AR: variants seen among roughly 807,000 people sequenced by gnomAD.
AR encodes androgen receptor, also known as dihydrotestosterone receptor.
AR carries 8 observed loss-of-function variants against 53.9 expected under a neutral mutation model. The observed-to-expected ratio is 0.15, with a 90% CI of 0.09 to 0.27. AR has a LOEUF of 0.27. Among genes scored for constraint, AR ranks in the 10% least tolerant of loss-of-function variants. AR has a pLI of 1.00. For synonymous variants in AR, 359 were observed against 316.4 expected (o/e 1.13, Z -1.43); for missense variants, 639 against 742.5 (o/e 0.86, Z 1.62).
chrX:67,546,497 G>T lies in AR; in HGVS notation c.1351G>T (p.Gly451Cys), dbSNP rs1259741496. The T allele has an allele frequency of 1.0e-5, 11 of 1,089,886 alleles. No individual in the cohort carries two copies. Among genetic ancestry groups the T allele is most frequent in the Non-Finnish European group, 1.3e-5 (11 of 835,621 alleles). The allele number at this position is 1,089,886 out of a possible 1,213,427, so 89.8% of individuals were successfully genotyped here. ...AGAAGGCCAGTTGTATGGACCGTGT[G>T]GTGGTGGTGGGGGTGGTGGCGGCGG... is the stretch of plus-strand genomic sequence containing the variant. ...AEEGQLYGPC[G>C]GGGGGGGGGG... Residue 451 changes from glycine to cysteine, a missense_variant, in exon 1 of 8, where the codon GGT becomes TGT. Coordinates refer to ENST00000374690, the MANE Select transcript of AR (RefSeq NM_000044.6).
intron 1 of AR, among the ~76,000 whole-genome samples, chrX:67,628,963 A>G (rs1924881533): frequency 8.9e-6 from 1 of 111,864 alleles, no homozygotes; most frequent in Admixed American, 9.5e-5. Context: ...ATATTGAACC[A>G]GCCTTGCATC....
At chrX:67,674,973 A>T (rs1477373711) in intron 2 of AR, among the ~76,000 whole-genome samples, 1 of 110,854 alleles carries the variant, frequency 9.0e-6, no homozygotes, top group Non-Finnish European at 1.9e-5. Context: ...TATCACACTG[A>T]TTATTCAGGG....
At chrX:67,562,331 G>A (rs1406113677) in intron 1 of AR, among the ~76,000 whole-genome samples, 1 of 106,933 alleles carries the variant, frequency 9.4e-6, no homozygotes, top group Non-Finnish European at 1.9e-5. Flanking sequence ...GACCATATGA[G>A]TTTTGTTTGG....
intron 2 of AR, among the ~76,000 whole-genome samples, chrX:67,662,817 T>G (rs1386863435): frequency 4.5e-5 from 5 of 110,647 alleles, no homozygotes; most frequent in South Asian, 3.9e-4. Context: ...CCTGTATTGG[T>G]TGCATATATA....
rs1239558244 is a variant in AR at position 67,546,494 on chromosome X, T to TGTGGTGGTGGTGGGG, written c.1356_1370dup (p.Gly469_Gly473dup). 4.4e-6 allele frequency: 4 copies of TGTGGTGGTGGTGGGG among 914,836 alleles called. No homozygotes were observed. Among genetic ancestry groups the TGTGGTGGTGGTGGGG allele is most frequent in the African/African-American group, 2.3e-5 (1 of 42,759 alleles). 75.4% of individuals were successfully genotyped at this position (914,836 alleles called of 1,213,427 possible). A position where few individuals can be genotyped will look rare whatever the true frequency, so the allele number is the denominator to read the frequency against. On this transcript the variant is annotated inframe_insertion, in exon 1 of 8. Coordinates refer to ENST00000374690, the MANE Select transcript of AR (RefSeq NM_000044.6). ...CGAAGAAGGCCAGTTGTATGGACCGTGTGGTGGTGGTGGGGGTGGTGGCGG... is the reference window on the plus strand; with the variant it reads ...CGAAGAAGGCCAGTTGTATGGACCGTGTGGTGGTGGTGGGGGTGGTGGTGGTGGGGGTGGTGGCGG...
chrX:67,710,728 G>C (rs1486176688), intron 3 of AR, among the ~76,000 whole-genome samples: 1 of 111,780 alleles, frequency 8.9e-6, no homozygotes, highest in Non-Finnish European at 1.9e-5. Context: ...TGCAACATAT[G>C]TTTCAGCCAT....
chrX:67,703,419 G>T (rs1197998246), intron 3 of AR, among the ~76,000 whole-genome samples: 2 of 111,675 alleles, frequency 1.8e-5, no homozygotes. Context: ...GGGGAAGATG[G>T]TTCTTAAGGT....
chrX:67,626,436 CTTT>C lies in AR; in HGVS notation c.1617-16798_1617-16796del, dbSNP rs1233324601. On this transcript the variant is annotated intron_variant, in intron 1 of 7. Transcript: ENST00000374690. ...TGTTGGTGCAAATGACAGGCTCTCT[CTTT>C]TTTTTTTTTTTTTTTTTTTTTGAGA... 3.8e-3 allele frequency among the ~76,000 whole-genome samples: 179 copies of C among 46,794 alleles called. 1 individual carries two copies. The highest frequency in any genetic ancestry group is 0.012 in the African/African-American group (168 of 13,732). The allele number at this position is 46,794 out of a possible 115,157, so 40.6% of individuals were successfully genotyped here.
intron 3 of AR, among the ~76,000 whole-genome samples, chrX:67,704,994 C>T (rs2076059583): frequency 9.0e-6 from 1 of 111,683 alleles, no homozygotes; most frequent in Admixed American, 9.5e-5. Flanking sequence ...TGTTCTGTTC[C>T]ATTGATCTAT....
rs187415776 is a variant in AR at position 67,718,015 on chromosome X, C to T, written c.2318+393C>T. ...AAAGGCTACTTCTAGTCACCATTTG[C>T]TGAGCAACTAGTTTGTGCCAAGACT... On this transcript the variant is annotated intron_variant, in intron 5 of 7. Transcript: ENST00000374690. Among the ~76,000 whole-genome samples the T allele has an allele frequency of 4.6e-3, 524 of 112,836 alleles. 3 individuals are homozygous for T. The highest frequency in any genetic ancestry group is 0.016 in the African/African-American group (495 of 31,109).
chrX:67,547,351 G>A (rs980001811), intron 1 of AR, among the ~76,000 whole-genome samples: 2 of 111,735 alleles, frequency 1.8e-5, no homozygotes, highest in African/African-American at 6.5e-5. Context: ...GAAGCAACTG[G>A]GGACTTGCTC....
chrX:67,673,472 T>A (rs996430363), intron 2 of AR, among the ~76,000 whole-genome samples: 3 of 57,002 alleles, frequency 5.3e-5, no homozygotes, highest in Admixed American at 1.7e-4. Flanking sequence ...TTGTTTGCTA[T>A]TTTTTTTTTT....
At chrX:67,719,150 C>T (rs2076125632) in intron 5 of AR, among the ~76,000 whole-genome samples, 1 of 111,943 alleles carries the variant, frequency 8.9e-6, no homozygotes, top group East Asian at 2.8e-4. Flanking sequence ...CCTCTCCCAA[C>T]CCTGCCAGCC....
chrX:67,707,936 A>C (rs1034552180), intron 3 of AR, among the ~76,000 whole-genome samples: 18 of 111,989 alleles, frequency 1.6e-4, no homozygotes, highest in African/African-American at 5.5e-4. Flanking sequence ...TTCTGGGTTG[A>C]AAATTCTTTT....
At chrX:67,656,984 TGAGA>T (rs755250370) in intron 2 of AR, among the ~76,000 whole-genome samples, 2 of 109,332 alleles carry the variant, frequency 1.8e-5, no homozygotes, top group African/African-American at 3.3e-5. Flanking sequence ...AAGTGGAAAA[TGAGA>T]GAGAGAGATC....
In AR at chrX:67,562,810, A is replaced by G. The variant is rs780097730; in HGVS notation, c.1616+16048A>G. Among the ~76,000 whole-genome samples the G allele has an allele frequency of 2.7e-5, 3 of 111,643 alleles. No homozygotes were observed. In the South Asian group the frequency reaches 1.2e-3, roughly 43 times the overall value. ...ATAGTTGGATGACCTCAGGACAGTA[A>G]CATAACCCCTCTGAGCCTCTAGATC... On this transcript the variant is annotated intron_variant, in intron 1 of 7. Transcript: ENST00000374690.
chrX:67,714,712 C>T (rs1385025577), intron 4 of AR, among the ~76,000 whole-genome samples: 1 of 112,199 alleles, frequency 8.9e-6, no homozygotes, highest in Non-Finnish European at 1.9e-5. Flanking sequence ...TCTGTTTCTC[C>T]AGAACAGCCT....
chrX:67,679,805 AC>A (rs2075922403), intron 2 of AR, among the ~76,000 whole-genome samples: 2 of 111,662 alleles, frequency 1.8e-5, no homozygotes, highest in Non-Finnish European at 3.8e-5. Flanking sequence ...GAATATATTG[AC>A]CATTGGTTTT....
chrX:67,546,365 C>G lies in AR; in HGVS notation c.1219C>G (p.Arg407Gly), dbSNP rs761215870. 12 of 1,183,023 alleles carry G rather than the reference C, an allele frequency of 1.0e-5. No individual in the cohort carries two copies. In the Admixed American group the frequency reaches 1.4e-4, roughly 14 times the overall value. The change falls in exon 1 of 8, where the codon CGC becomes GGC. Residue 407 changes from arginine to glycine, a missense_variant. Transcript: ENST00000374690. The stretch of plus-strand genomic sequence containing the variant: ...CTGGGCGGCTGCGGCGGCGCAGTGC[C>G]GCTATGGGGACCTGGCGAGCCTGCA... ...SAWAAAAAQC[R>G]YGDLASLHGA...
Sources: gnomAD v4.1 joint callset for allele counts (sites outside exome capture counted in the v4.1 genomes callset) on GRCh38, gnomAD v4.1.1 for gene constraint, MANE v1.5 for transcripts, NCBI Gene and HGNC (gene_info 2026-07-23, HGNC 2026-07-21) for gene names.